Variants in TRIM49B observed in about 807,000 individuals in gnomAD.
The protein encoded by TRIM49B is putative tripartite motif-containing protein 49B.
TRIM49B carries 18 observed loss-of-function variants against 31.8 expected under a neutral mutation model. The ratio of observed to expected loss-of-function variants is 0.57; its 90% confidence interval spans 0.39 to 0.84. TRIM49B has a LOEUF of 0.84. Among genes scored for constraint, TRIM49B ranks in the 40% least tolerant of loss-of-function variants. The pLI, the probability that TRIM49B is intolerant of heterozygous loss-of-function variation, is 0.00. For missense variants in TRIM49B, 494 were observed against 538.7 expected, an observed-to-expected ratio of 0.92 and a Z score of 0.82; for synonymous variants, 196 against 180.6, an observed-to-expected ratio of 1.09 and a Z score of -0.68.
At chr11:49,035,904 G>A (rs1311277369) in intron 5 of TRIM49B, among the ~76,000 whole-genome samples, 1 of 151,722 alleles carries the variant, frequency 6.6e-6, no homozygotes, top group Non-Finnish European at 1.5e-5. Context: ...GCTAAAAGGG[G>A]AGAGAACAAG....
At chr11:49,036,529 A>C (rs1227561188) in intron 6 of TRIM49B, 131 bp downstream of exon 6, 1 of 610,030 alleles carries the variant, frequency 1.6e-6, no homozygotes, top group Non-Finnish European at 2.8e-6. Context: ...ATAACCATGC[A>C]ACCCTTTGGT....
In TRIM49B at chr11:49,031,845, C is replaced by G; in HGVS notation, c.246C>G (p.Leu82=). The change falls in exon 2 of 7, where the codon CTC becomes CTG. Residue 82 remains leucine, a synonymous_variant. Coordinates refer to ENST00000332682, the MANE Select transcript of TRIM49B (RefSeq NM_001206626.2). ...KMASLARKVS[L]WLFLSSEEQM... The stretch of plus-strand genomic sequence containing the variant: ...CTTCTCTTGCTAGAAAAGTCAGTCT[C>G]TGGCTATTCCTGAGCTCTGAGGAGC... 2 of 1,613,940 alleles carry G rather than the reference C, an allele frequency of 1.2e-6. No individual in the cohort carries two copies. Among genetic ancestry groups the G allele is most frequent in the Middle Eastern group, 1.7e-4 (1 of 6,016 alleles).
chr11:49,034,078 G>T (rs976484801), intron 3 of TRIM49B, 68 bp from the exon 4 acceptor site: 4 of 1,608,382 alleles, frequency 2.5e-6, no homozygotes, highest in African/African-American at 2.7e-5. Flanking sequence ...GAGACAAAAG[G>T]AATCAGTGAG....
Position 49,037,538 on chromosome 11 carries a change from G to A in TRIM49B, c.920G>A (p.Arg307Lys). The A allele has an allele frequency of 6.2e-7, 1 of 1,614,158 alleles. No homozygotes were observed. Among genetic ancestry groups the A allele is most frequent in the East Asian group, 2.2e-5 (1 of 44,878 alleles). The change falls in exon 7 of 7, where the codon AGA (arginine) becomes AAA (lysine). Residue 307 changes from arginine (R) to lysine (K), a missense_variant. Physicochemically the swap from Arg to Lys is conservative, Grantham distance 26 (BLOSUM62 2). This residue lies in a region of TRIM49B where 233 missense variants were observed against 281.4 expected (regional missense o/e 0.83). Coordinates refer to ENST00000332682, the MANE Select transcript of TRIM49B (RefSeq NM_001206626.2). ...GATATCTTTCTATGTGAAATTTTGAGAAGCATGTGTATTGGATGTGACCAT... is the reference window on the plus strand; with the variant it reads ...GATATCTTTCTATGTGAAATTTTGAAAAGCATGTGTATTGGATGTGACCAT... The part of the protein sequence containing the change: ...NSDIFLCEIL[R>K]SMCIGCDHQD...
chr11:49,029,039 T>TA (rs1854416079), intron 1 of TRIM49B, 64 bp downstream of exon 1: 1 of 146,034 alleles, frequency 6.8e-6, no homozygotes, highest in Non-Finnish European at 1.5e-5. Context: ...ATTAGAGTGT[T>TA]AAAAATATCT....
At chr11:49,033,849 T>C (rs910938707) in intron 3 of TRIM49B, among the ~76,000 whole-genome samples, 3 of 152,230 alleles carry the variant, frequency 2.0e-5, no homozygotes, top group Admixed American at 6.5e-5. Context: ...CTCTTAAGCA[T>C]GAACTCTTCT....
chr11:49,029,374 G>A (rs1854419408), intron 1 of TRIM49B, among the ~76,000 whole-genome samples: 1 of 152,296 alleles, frequency 6.6e-6, no homozygotes, highest in South Asian at 2.1e-4. Flanking sequence ...CTTTAAATTA[G>A]TAAGGTAATG....
In TRIM49B at chr11:49,037,463, C is replaced by A; in HGVS notation, c.860-15C>A. On this transcript the variant is annotated splice_polypyrimidine_tract_variant and intron_variant, in intron 6 of 6. Coordinates refer to ENST00000332682, the MANE Select transcript of TRIM49B (RefSeq NM_001206626.2). ...TTATTTACACGTCTATGCATGTTTT[C>A]TCTTTTTTTTGCAGTGCATATTACT... is the stretch of plus-strand genomic sequence containing the variant. The A allele has an allele frequency of 6.2e-7, 1 of 1,605,202 alleles. No individual in the cohort carries two copies. Among genetic ancestry groups the A allele is most frequent in the Non-Finnish European group, 8.5e-7 (1 of 1,176,828 alleles).
At chr11:49,034,115 T>C in intron 3 of TRIM49B, 31 bp from the exon 4 acceptor site, 1 of 1,611,392 alleles carries the variant, frequency 6.2e-7, no homozygotes. Flanking sequence ...ATATATACAT[T>C]TCTCTTTTGA....
In TRIM49B at chr11:49,038,077, T is replaced by C; in HGVS notation, c.*100T>C. 6.4e-7 allele frequency: 1 copy of C among 1,557,990 alleles called. No homozygotes were observed. Among genetic ancestry groups the C allele is most frequent in the South Asian group, 1.2e-5 (1 of 81,256 alleles). On this transcript the variant is annotated 3_prime_UTR_variant, in exon 7 of 7. Coordinates refer to ENST00000332682, the MANE Select transcript of TRIM49B (RefSeq NM_001206626.2). ...TAACATACAGGACAAATAGGCTCTA[T>C]TTTATATCTTGAATTGCCTTCTAAT...
chr11:49,036,186 G>C, intron 5 of TRIM49B, 115 bp from the exon 6 acceptor site: 1 of 1,533,920 alleles, frequency 6.5e-7, no homozygotes, highest in South Asian at 1.2e-5. Context: ...AATAATTTTT[G>C]AATTATCAAA....
chr11:49,035,373 T>A (rs1854512460), intron 5 of TRIM49B, among the ~76,000 whole-genome samples: 1 of 96,702 alleles, frequency 1.0e-5, no homozygotes, highest in East Asian at 2.9e-4. Context: ...TTTTTTTTTT[T>A]TTTTGAGACG....
Position 49,031,763 on chromosome 11 carries a change from GCA to G in TRIM49B, c.167_168del (p.Thr56LysfsTer22). On this transcript the variant is annotated frameshift_variant, in exon 2 of 7. Coordinates refer to ENST00000332682, the MANE Select transcript of TRIM49B (RefSeq NM_001206626.2). LOFTEE classifies it high-confidence loss of function. ...CCATTTCTTGTCCAGTGCTCTGAAT[GCA>G]CAAAGTCAACAGGGCAGATAAACCT... 3 of 1,613,988 alleles carry G rather than the reference GCA, an allele frequency of 1.9e-6. No individual in the cohort carries two copies. The highest frequency in any genetic ancestry group is 2.5e-6 in the Non-Finnish European group (3 of 1,179,868).
In TRIM49B at chr11:49,034,331, G is replaced by A. The variant is rs558966673; in HGVS notation, c.693G>A (p.Glu231=). The part of the protein sequence containing the change: ...HRREILRGMY[E]ELNEMCHKPD... ...GGGAGATTTTAAGAGGAATGTATGA[G>A]GAGCTGAACGAAATGTGCCATAAAC... Residue 231 remains glutamate (E), a synonymous_variant, in exon 4 of 7, where the codon GAG becomes GAA. Transcript: ENST00000332682. 3 of 1,611,950 alleles carry A rather than the reference G, an allele frequency of 1.9e-6. No individual in the cohort carries two copies. Among genetic ancestry groups the A allele is most frequent in the Non-Finnish European group, 2.5e-6 (3 of 1,179,814 alleles).
chr11:49,031,215 TTTTTTCCCACTCTTTCATAG>T (rs1363064195), intron 1 of TRIM49B, among the ~76,000 whole-genome samples: 1 of 152,112 alleles, frequency 6.6e-6, no homozygotes, highest in African/African-American at 2.4e-5. Context: ...GCCCAGGTAG[TTTTTTCCCACTCTTTCATAG>T]TCATTCATCA....
In TRIM49B at chr11:49,032,021, G is replaced by C. The variant is rs1022053204; in HGVS notation, c.411+11G>C. 1 of 1,611,796 alleles carries C rather than the reference G, an allele frequency of 6.2e-7. No individual in the cohort carries two copies. The highest frequency in any genetic ancestry group is 8.5e-7 in the Non-Finnish European group (1 of 1,179,842). ...GCTGAGGAACACCAGGTAAGTGATG[G>C]CTCTGAAGATCGATTTCTGTAAAGG... is the stretch of plus-strand genomic sequence containing the variant. On this transcript the variant is annotated intron_variant, in intron 2 of 6. Transcript: ENST00000332682.
intron 1 of TRIM49B, 43 bp from the exon 2 acceptor site, chr11:49,031,553 T>A: frequency 6.2e-7 from 1 of 1,602,336 alleles, no homozygotes; most frequent in Non-Finnish European, 8.5e-7. Flanking sequence ...AAGCTTTTCA[T>A]CAACCCAGGC....
In TRIM49B at chr11:49,031,814, A is replaced by G. The variant is rs746889281; in HGVS notation, c.215A>G (p.Lys72Arg). 2 of 1,614,024 alleles carry G rather than the reference A, an allele frequency of 1.2e-6. No homozygotes were observed. The highest frequency in any genetic ancestry group is 1.7e-6 in the Non-Finnish European group (2 of 1,179,878). The stretch of plus-strand genomic sequence containing the variant: ...CTCAAAACCAACATTCATTTCAAGA[A>G]GATGGCTTCTCTTGCTAGAAAAGTC... Reference protein sequence around the residue: ...INLKTNIHFKKMASLARKVSL... With the variant: ...INLKTNIHFKRMASLARKVSL... The change falls in exon 2 of 7, where the codon AAG (lysine) becomes AGG (arginine). Residue 72 changes from lysine to arginine, a missense_variant. Physicochemically the swap from Lys to Arg is conservative, Grantham distance 26. Coordinates refer to ENST00000332682, the MANE Select transcript of TRIM49B (RefSeq NM_001206626.2).
At chr11:49,035,714 T>C (rs977422248) in intron 5 of TRIM49B, among the ~76,000 whole-genome samples, 2 of 152,056 alleles carry the variant, frequency 1.3e-5, no homozygotes, top group African/African-American at 4.8e-5. Context: ...GAGTTTTGTT[T>C]TGTGGATGGT....
Sources: allele counts gnomAD v4.1 joint callset (sites outside exome capture counted in the v4.1 genomes callset), GRCh38; gene constraint gnomAD v4.1.1; regional missense constraint gnomAD v4.1.1; transcripts MANE v1.5; gene names NCBI Gene and HGNC (gene_info 2026-07-23, HGNC 2026-07-21).